CFAP54: variants seen among roughly 807,000 people sequenced by gnomAD.
CFAP54 encodes cilia and flagella associated protein 54.
A neutral mutation model predicts 370.4 loss-of-function variants in CFAP54; 290 were observed. That is an observed-to-expected ratio of 0.78 (90% CI 0.71 to 0.86). The LOEUF is 0.86. Among genes scored for constraint, CFAP54 ranks in the 40% least tolerant of loss-of-function variants. The pLI is 0.00. For synonymous variants in CFAP54, 1,206 were observed against 1,236.5 expected (o/e 0.98, Z 0.52); for missense variants, 3,399 against 3,528.7 (o/e 0.96, Z 0.93).
intron 62 of CFAP54, among the ~76,000 whole-genome samples, chr12:96,790,992 G>A (rs1373031249): frequency 3.3e-5 from 5 of 152,126 alleles, no homozygotes; most frequent in Admixed American, 2.6e-4. Flanking sequence ...AATAATGGGA[G>A]GGACAAAGCC....
chr12:96,562,428 CTT>C (rs200487420), intron 17 of CFAP54, among the ~76,000 whole-genome samples: 23 of 115,058 alleles, frequency 2.0e-4, no homozygotes, highest in Non-Finnish European at 2.9e-4. Flanking sequence ...TATTTGCATT[CTT>C]TTTTTTTTTT....
chr12:96,633,909 A>C (rs1956635412), intron 32 of CFAP54, among the ~76,000 whole-genome samples: 2 of 152,050 alleles, frequency 1.3e-5, no homozygotes, highest in South Asian at 4.1e-4. Flanking sequence ...ACAGTATATG[A>C]GTGATCTAGT....
chr12:96,682,649 A>G (rs12366587), intron 40 of CFAP54, among the ~76,000 whole-genome samples: 12,991 of 152,222 alleles, frequency 0.085, 791 homozygotes, highest in South Asian at 0.27. Flanking sequence ...ACGCTGGTAC[A>G]GGAGTGAGCC....
intron 14 of CFAP54, among the ~76,000 whole-genome samples, chr12:96,543,129 G>A (rs549320103): frequency 3.9e-5 from 6 of 152,294 alleles, no homozygotes; most frequent in Admixed American, 3.3e-4. Flanking sequence ...ACTCCCTTGC[G>A]TTGAATCAGG....
In CFAP54 at chr12:96,706,454, C is replaced by G. The variant is rs140131654; in HGVS notation, c.6528+1658C>G. Among the ~76,000 whole-genome samples the G allele has an allele frequency of 4.4e-3, 668 of 152,232 alleles. 8 individuals carry two copies. The highest frequency in any genetic ancestry group is 0.042 in the South Asian group (201 of 4,812). On this transcript the variant is annotated intron_variant, in intron 47 of 67. Coordinates refer to ENST00000524981, the MANE Select transcript of CFAP54 (RefSeq NM_001306084.2). ...AGAGGGAAAGGTAAGTGAAAAGGCC[C>G]TGAGACAAGATTGCCTAGCTTGGCG...
Position 96,777,116 on chromosome 12 carries a change from G to C in CFAP54, c.8282-7601G>C, listed in dbSNP as rs997487501. On this transcript the variant is annotated intron_variant, in intron 60 of 67. Coordinates refer to ENST00000524981, the MANE Select transcript of CFAP54 (RefSeq NM_001306084.2). ...CTGAAAACATTTTGTCTTGTCAGCTGTTCTTTCAGTAAAAATGGCAGTCCA... is the reference window on the plus strand; with the variant it reads ...CTGAAAACATTTTGTCTTGTCAGCTCTTCTTTCAGTAAAAATGGCAGTCCA... Among the ~76,000 whole-genome samples, 3 of 151,926 alleles carry C rather than the reference G, an allele frequency of 2.0e-5. No individual in the cohort carries two copies. The East Asian group carries it at 5.8e-4, about 29-fold the overall frequency.
At chr12:96,769,416 G>A (rs1323999810) in intron 60 of CFAP54, among the ~76,000 whole-genome samples, 5 of 152,192 alleles carry the variant, frequency 3.3e-5, no homozygotes, top group East Asian at 1.9e-4. Flanking sequence ...TGCTGAGGTC[G>A]GAGGGGTGTG....
intron 5 of CFAP54, among the ~76,000 whole-genome samples, chr12:96,515,224 G>A (rs1389532058): frequency 1.3e-5 from 2 of 151,948 alleles, no homozygotes; most frequent in East Asian, 3.9e-4. Flanking sequence ...GGCTAGGCTG[G>A]TCTCGAACTC....
intron 63 of CFAP54, among the ~76,000 whole-genome samples, chr12:96,796,341 A>G (rs916127831): frequency 6.6e-6 from 1 of 152,186 alleles, no homozygotes; most frequent in African/African-American, 2.4e-5. Flanking sequence ...GATGTTTTTC[A>G]TATCACGATT....
In CFAP54 at chr12:96,579,190, ATT is replaced by A. The variant is rs945420965; in HGVS notation, c.2797-1398_2797-1397del. On this transcript the variant is annotated intron_variant, in intron 20 of 67. Transcript: ENST00000524981. ...ATTTTTTTTTTCTGAGATTCATCTG[ATT>A]TTTTTTTTCTACCCTATTCTCCAGC... 4.7e-5 allele frequency among the ~76,000 whole-genome samples: 7 copies of A among 148,384 alleles called. No homozygotes were observed. In the South Asian group the frequency reaches 1.3e-3, roughly 27 times the overall value.
At chr12:96,587,124 C>T (rs1956082141) in intron 22 of CFAP54, among the ~76,000 whole-genome samples, 1 of 152,028 alleles carries the variant, frequency 6.6e-6, no homozygotes, top group Non-Finnish European at 1.5e-5. Flanking sequence ...AGTGGGAGAT[C>T]AGTTCAGTTC....
At position 96,743,864 on chromosome 12, in the gene CFAP54, G is replaced by A; in HGVS notation, c.7511G>A (p.Gly2504Glu). ...AAGGAATCTCCCTCTTCAAAAACAG[G>A]AAAATTAAATTTGTTAACTCGGGCT... ...KFKESPSSKT[G>E]KLNLLTRAHS... Residue 2504 changes from glycine to glutamate, a missense_variant, in exon 54 of 68, where the codon GGA (glycine) becomes GAA (glutamate). Physicochemically the swap from Gly to Glu is moderately conservative, Grantham distance 98. Around this residue, in one of 3 missense-constraint regions of CFAP54, gnomAD observed 2,796 missense variants for 2,869.7 expected, o/e 0.97. Transcript: ENST00000524981. 6.2e-7 allele frequency: 1 copy of A among 1,613,616 alleles called. No individual in the cohort carries two copies. Among genetic ancestry groups the A allele is most frequent in the African/African-American group, 1.3e-5 (1 of 74,990 alleles).
intron 42 of CFAP54, among the ~76,000 whole-genome samples, chr12:96,686,652 C>T (rs957623032): frequency 1.3e-5 from 2 of 152,172 alleles, no homozygotes; most frequent in African/African-American, 4.8e-5. Context: ...ACTCACTCAT[C>T]ACCAAGGGGA....
At chr12:96,592,440 A>G (rs972705633) in intron 23 of CFAP54, 50 bp from the exon 24 acceptor site, 3 of 413,586 alleles carry the variant, frequency 7.3e-6, no homozygotes, top group African/African-American at 4.1e-5. Context: ...AGACCAGTTG[A>G]CCTGCTAAAT....
At chr12:96,768,207 A>G (rs1565971450) in intron 60 of CFAP54, among the ~76,000 whole-genome samples, 1 of 152,074 alleles carries the variant, frequency 6.6e-6, no homozygotes, top group Non-Finnish European at 1.5e-5. Flanking sequence ...TGTAGTCCCA[A>G]CTACTCAGAA....
In CFAP54 at chr12:96,774,750, T is replaced by TTA. The variant is rs1958498869; in HGVS notation, c.8281+9536_8281+9537dup. Among the ~76,000 whole-genome samples the TTA allele has an allele frequency of 2.0e-5, 3 of 152,306 alleles. No homozygotes were observed. In the East Asian group the frequency reaches 5.8e-4, roughly 29 times the overall value. On this transcript the variant is annotated intron_variant, in intron 60 of 67. Transcript: ENST00000524981. ...CTTAACCAAGAATATTATATGCCCTTTATATTTTCTAGTTCACATCCCTTA... is the reference window on the plus strand; with the variant it reads ...CTTAACCAAGAATATTATATGCCCTTTATATATTTTCTAGTTCACATCCCTTA...
At chr12:96,853,651 G>T (rs893111549) in intron 66 of CFAP54, among the ~76,000 whole-genome samples, 6 of 152,106 alleles carry the variant, frequency 3.9e-5, no homozygotes, top group Admixed American at 2.0e-4. Context: ...AAAGTTTGAA[G>T]CATCTGACTT....
intron 19 of CFAP54, among the ~76,000 whole-genome samples, chr12:96,570,564 T>C (rs887618082): frequency 2.0e-5 from 3 of 152,202 alleles, no homozygotes; most frequent in African/African-American, 7.2e-5. Context: ...ATAAGGATCT[T>C]GGATTAGAGT....
chr12:96,538,499 A>C lies in CFAP54; in HGVS notation c.1907A>C (p.Gln636Pro). 1 of 1,536,276 alleles carries C rather than the reference A, an allele frequency of 6.5e-7. No individual in the cohort carries two copies. The highest frequency in any genetic ancestry group is 8.7e-7 in the Non-Finnish European group (1 of 1,146,880). The part of the protein sequence containing the change: ...ISRNDYAKFT[Q>P]KISTNKWIYL... ...AGAAATGACTATGCAAAATTCACCC[A>C]GAAAATCAGTACTAACAAAGTATTC... Residue 636 changes from glutamine (Q) to proline (P), a missense_variant, in exon 13 of 68, where the codon CAG becomes CCG. Transcript: ENST00000524981.
Sources: gnomAD v4.1 joint callset for allele counts (sites outside exome capture counted in the v4.1 genomes callset) on GRCh38, gnomAD v4.1.1 for gene constraint, gnomAD v4.1.1 regional missense constraint, MANE v1.5 for transcripts, NCBI Gene and HGNC (gene_info 2026-07-23, HGNC 2026-07-21) for gene names.